Variants in ADAMTSL2 observed in about 807,000 individuals in gnomAD.
ADAMTSL2 encodes the protein ADAMTS like 2.
A neutral mutation model predicts 117.0 loss-of-function variants in ADAMTSL2; 55 were observed. The observed-to-expected ratio is 0.47, with a 90% CI of 0.38 to 0.59. The LOEUF (loss-of-function observed/expected upper bound fraction) is 0.59. Ranked by LOEUF, ADAMTSL2 falls within the 20% of genes least tolerant of loss-of-function variation. The pLI is 0.00. For missense variants in ADAMTSL2, 1,182 were observed against 1,354.5 expected (o/e 0.87, Z 2.00); for synonymous variants, 572 against 566.4 (o/e 1.01, Z -0.14).
upstream of ADAMTSL2, among the ~76,000 whole-genome samples, chr9:133,533,112 C>G (rs531499437): frequency 2.8e-4 from 43 of 152,144 alleles, no homozygotes; most frequent in African/African-American, 1.0e-3. Context: ...GGCAGAGGCA[C>G]CCAGAGCGAG....
intron 12 of ADAMTSL2, among the ~76,000 whole-genome samples, chr9:133,564,132 G>C (rs1830847643): frequency 1.3e-5 from 1 of 79,768 alleles, no homozygotes; most frequent in African/African-American, 5.6e-5. Flanking sequence ...GAGAGAGAGA[G>C]AGAGAGAGAA....
chr9:133,534,828 GC>G lies in ADAMTSL2; in HGVS notation c.-235del, dbSNP rs772517757. The stretch of plus-strand genomic sequence containing the variant: ...GGGCCGCAGCCTCTGCACTCACGCC[GC>G]CCCCGCACGCACAGCGCACCTGGCG... On this transcript the variant is annotated 5_prime_UTR_variant, in exon 1 of 19. The change creates a premature stop within an existing upstream ORF in the 5' untranslated region. Coordinates refer to ENST00000651351, the MANE Select transcript of ADAMTSL2 (RefSeq NM_014694.4). 2.7e-6 allele frequency: 4 copies of G among 1,494,918 alleles called. No homozygotes were observed. The highest frequency in any genetic ancestry group is 2.7e-6 in the Non-Finnish European group (3 of 1,118,152). 92.6% of individuals were successfully genotyped at this position (1,494,918 alleles called of 1,614,324 possible).
At chr9:133,552,057 T>C (rs1830499341) in intron 9 of ADAMTSL2, among the ~76,000 whole-genome samples, 1 of 152,100 alleles carries the variant, frequency 6.6e-6, no homozygotes, top group African/African-American at 2.4e-5. Context: ...CTCAAACTAC[T>C]GACCTCATGA....
intron 16 of ADAMTSL2, 66 bp from the exon 17 acceptor site, chr9:133,570,265 G>GTGGGCCCTGTGTGTAGGGTCCTGC: frequency 1.3e-6 from 2 of 1,514,708 alleles, no homozygotes; most frequent in Non-Finnish European, 1.8e-6. Context: ...CAGAGTCGCC[G>GTGGGCCCTGTGTGTAGGGTCCTGC]TGGGCCCTGT....
chr9:133,541,042 C>G, intron 7 of ADAMTSL2, 41 bp downstream of exon 7: 1 of 1,596,814 alleles, frequency 6.3e-7, no homozygotes, highest in East Asian at 2.3e-5. Context: ...ACAGCAGAGT[C>G]TGGGAATCGG....
At chr9:133,539,990 G>A in intron 5 of ADAMTSL2, 117 bp downstream of exon 5, 1 of 971,372 alleles carries the variant, frequency 1.0e-6, no homozygotes, top group Non-Finnish European at 1.6e-6. Flanking sequence ...GAGGTGGTCA[G>A]ACGAAGAGCC....
In ADAMTSL2 at chr9:133,570,515, C is replaced by A; in HGVS notation, c.2592+8C>A. 6.2e-7 allele frequency: 1 copy of A among 1,608,710 alleles called. No individual in the cohort carries two copies. The highest frequency in any genetic ancestry group is 8.5e-7 in the Non-Finnish European group (1 of 1,178,260). ...ACCAGCCCCTGGTCAGAGGTGAGCT[C>A]CCAGCCGGCCCCTCTGAGGTTGCCT... On this transcript the variant is annotated splice_region_variant and intron_variant, in intron 17 of 18. Coordinates refer to ENST00000651351, the MANE Select transcript of ADAMTSL2 (RefSeq NM_014694.4).
At chr9:133,573,568 C>T (rs1393111556) in intron 17 of ADAMTSL2, among the ~76,000 whole-genome samples, 1 of 152,206 alleles carries the variant, frequency 6.6e-6, no homozygotes, top group Non-Finnish European at 1.5e-5. Flanking sequence ...GACCACCCCT[C>T]ACTGTGGATC....
At chr9:133,570,042 G>A (rs755752024) in intron 16 of ADAMTSL2, among the ~76,000 whole-genome samples, 16 of 152,190 alleles carry the variant, frequency 1.1e-4, no homozygotes, top group Non-Finnish European at 2.1e-4. Flanking sequence ...GGATAATCTC[G>A]AGCCAAATTG....
intron 3 of ADAMTSL2, 92 bp from the exon 4 acceptor site, chr9:133,538,256 AG>A: frequency 6.8e-7 from 1 of 1,463,346 alleles, no homozygotes; most frequent in Non-Finnish European, 9.6e-7. Flanking sequence ...GGGTATCGGG[AG>A]ATTCTGGATC....
chr9:133,565,001 C>G (rs1830930428), intron 12 of ADAMTSL2, among the ~76,000 whole-genome samples: 1 of 152,130 alleles, frequency 6.6e-6, no homozygotes, highest in Admixed American at 6.5e-5. Flanking sequence ...TTCGAAGACA[C>G]TCTTTTGGAG....
chr9:133,556,459 G>T (rs1378011305), intron 11 of ADAMTSL2, among the ~76,000 whole-genome samples: 1 of 152,204 alleles, frequency 6.6e-6, no homozygotes, highest in African/African-American at 2.4e-5. Context: ...GCTCCAGGCA[G>T]CTCCCCAAGT....
chr9:133,568,622 A>G lies in ADAMTSL2; in HGVS notation c.2108A>G (p.Glu703Gly). 1 of 1,608,488 alleles carries G rather than the reference A, an allele frequency of 6.2e-7. No individual in the cohort carries two copies. The highest frequency in any genetic ancestry group is 8.5e-7 in the Non-Finnish European group (1 of 1,177,638). The change falls in exon 15 of 19, where the codon GAG becomes GGG. Residue 703 changes from glutamate (E) to glycine (G), a missense_variant. By Grantham distance (98) the Glu-to-Gly change is moderately conservative. Transcript: ENST00000651351. ...CCCCAGTGCACTGCCAAGTGTGGGG[A>G]GCGCAGTGTGGTGACCAGGGACATC... Reference protein sequence around the residue: ...EWSECTAKCGERSVVTRDIRC... With the variant: ...EWSECTAKCGGRSVVTRDIRC...
At chr9:133,556,357 G>A (rs1172956200) in intron 11 of ADAMTSL2, among the ~76,000 whole-genome samples, 2 of 152,222 alleles carry the variant, frequency 1.3e-5, no homozygotes, top group African/African-American at 2.4e-5. Flanking sequence ...GAGAGCTAGC[G>A]GTGTATTCGA....
chr9:133,566,191 C>T (rs1260135228), intron 12 of ADAMTSL2, among the ~76,000 whole-genome samples: 1 of 152,198 alleles, frequency 6.6e-6, no homozygotes, highest in South Asian at 2.1e-4. Context: ...CATGTAATCC[C>T]AGCACTTTGG....
chr9:133,564,599 AGAGAGAGG>A, intron 12 of ADAMTSL2, among the ~76,000 whole-genome samples: 2 of 45,150 alleles, frequency 4.4e-5, no homozygotes, highest in Non-Finnish European at 9.2e-5. Flanking sequence ...AGAGAGGGGG[AGAGAGAGG>A]GAGAGAGAGA....
Position 133,558,337 on chromosome 9 carries a change from G to C in ADAMTSL2, c.1649+2407G>C, listed in dbSNP as rs991984829. On this transcript the variant is annotated intron_variant, in intron 11 of 18. Coordinates refer to ENST00000651351, the MANE Select transcript of ADAMTSL2 (RefSeq NM_014694.4). The surrounding 1 kb of genome is among the most constrained non-coding windows in gnomAD (Gnocchi z 4.3). ...CACCAGGCCAAAATAGCCACGTCTC[G>C]GCCGAGTTGTCCAAACACAGGAAGT... Among the ~76,000 whole-genome samples the C allele has an allele frequency of 3.9e-5, 6 of 152,328 alleles. No individual in the cohort carries two copies. The highest frequency in any genetic ancestry group is 1.2e-4 in the African/African-American group (5 of 41,568).
chr9:133,540,668 C>T lies in ADAMTSL2; in HGVS notation c.483C>T (p.Leu161=). 1 of 1,613,818 alleles carries T rather than the reference C, an allele frequency of 6.2e-7. No homozygotes were observed. Among genetic ancestry groups the T allele is most frequent in the Non-Finnish European group, 8.5e-7 (1 of 1,180,044 alleles). The change falls in exon 6 of 19, where the codon CTC becomes CTT. Residue 161 remains leucine, a synonymous_variant. Transcript: ENST00000651351. ...CCACCGTGGACGGCCAGCGGCAGCT[C>T]ATGGTCCCCGCCCGCGACGGCACAT... The part of the protein sequence containing the change: ...HCTTVDGQRQ[L]MVPARDGTSC...
intron 9 of ADAMTSL2, among the ~76,000 whole-genome samples, chr9:133,548,919 C>G (rs947227044): frequency 3.9e-5 from 6 of 152,210 alleles, no homozygotes; most frequent in African/African-American, 1.2e-4. Context: ...TCTCAGGGAG[C>G]CTTACAGGAG....
Sources: gnomAD v4.1 joint callset for allele counts (sites outside exome capture counted in the v4.1 genomes callset) on GRCh38, gnomAD v4.1.1 for gene constraint, Gnocchi (gnomAD v3.1) non-coding constraint, MANE v1.5 for transcripts, NCBI Gene and HGNC (gene_info 2026-07-23, HGNC 2026-07-21) for gene names.